Variants in SORCS2 observed in about 807,000 individuals in gnomAD.
SORCS2 encodes VPS10 domain-containing receptor SorCS2.
In SORCS2, 100 loss-of-function variants were observed where a neutral mutation model predicts 141.6. The observed-to-expected ratio is 0.71, with a 90% CI of 0.60 to 0.83. SORCS2 has a LOEUF of 0.83. Ranked by LOEUF, SORCS2 falls within the 40% of genes least tolerant of loss-of-function variation. SORCS2 has a pLI of 0.00. For missense variants in SORCS2, 1,646 were observed against 1,560.2 expected, an observed-to-expected ratio of 1.05 and a Z score of -0.93; for synonymous variants, 789 against 676.9, an observed-to-expected ratio of 1.17 and a Z score of -2.57.
intron 1 of SORCS2, among the ~76,000 whole-genome samples, chr4:7,285,036 A>ATT (rs34265329): frequency 5.1e-4 from 72 of 140,120 alleles, no homozygotes; most frequent in African/African-American, 1.6e-3. Flanking sequence ...ATATATATAT[A>ATT]TTTTTTTTTT....
chr4:7,273,411 A>C (rs1324907635), intron 1 of SORCS2, among the ~76,000 whole-genome samples: 1 of 152,100 alleles, frequency 6.6e-6, no homozygotes, highest in Non-Finnish European at 1.5e-5. Context: ...ACTTGCATCC[A>C]TCATTGCTGG....
At position 7,682,766 on chromosome 4, in the gene SORCS2, C is replaced by G. The variant is rs1326414841; in HGVS notation, c.1365C>G (p.Phe455Leu). 1 of 1,611,426 alleles carries G rather than the reference C, an allele frequency of 6.2e-7. No homozygotes were observed. The highest frequency in any genetic ancestry group is 1.7e-5 in the Admixed American group (1 of 59,676). The change falls in exon 10 of 27, where the codon TTC becomes TTG. Residue 455 changes from phenylalanine (F) to leucine (L), a missense_variant. By Grantham distance (22) the Phe-to-Leu change is conservative. Coordinates refer to ENST00000507866, the MANE Select transcript of SORCS2 (RefSeq NM_020777.3). ...AGGTCAGAGGGGTGAAAGGAGTCTT[C>G]CTGGCAAACCAAAAAATTGATGGGA... ...ILEVRGVKGV[F>L]LANQKIDGKV...
intron 3 of SORCS2, among the ~76,000 whole-genome samples, chr4:7,542,583 G>C (rs967526287): frequency 6.6e-6 from 1 of 152,178 alleles, no homozygotes; most frequent in Non-Finnish European, 1.5e-5. Flanking sequence ...TTCTCTCCCA[G>C]AGCCTTCGGG....
At chr4:7,458,402 C>T (rs1400353824) in intron 2 of SORCS2, among the ~76,000 whole-genome samples, 1 of 152,032 alleles carries the variant, frequency 6.6e-6, no homozygotes, top group Non-Finnish European at 1.5e-5. Flanking sequence ...AGTTTTCCAG[C>T]TGTGCTCCCC....
intron 2 of SORCS2, among the ~76,000 whole-genome samples, chr4:7,436,669 A>G (rs1035851441): frequency 6.6e-6 from 1 of 152,218 alleles, no homozygotes; most frequent in African/African-American, 2.4e-5. Flanking sequence ...GTTTCTGGGT[A>G]GAATTCCACT....
intron 3 of SORCS2, among the ~76,000 whole-genome samples, chr4:7,541,354 C>T (rs1712641397): frequency 6.6e-6 from 1 of 152,232 alleles, no homozygotes. Flanking sequence ...CATGGGAAGC[C>T]TTGCTAACTT....
intron 3 of SORCS2, among the ~76,000 whole-genome samples, chr4:7,621,430 AGT>A (rs750083934): frequency 0.011 from 1,304 of 114,340 alleles, 9 homozygotes; most frequent in Non-Finnish European, 0.014. Context: ...TGTGTGTGTG[AGT>A]GTGTGTCTAT....
rs149702974 is a variant in SORCS2, at chr4:7,252,972, T to C, written c.480+59846T>C. Among the ~76,000 whole-genome samples, 3 of 152,364 alleles carry C rather than the reference T, an allele frequency of 2.0e-5. No homozygotes were observed. The East Asian group carries it at 5.8e-4, about 29-fold the overall frequency. On this transcript the variant is annotated intron_variant, in intron 1 of 26. Coordinates refer to ENST00000507866, the MANE Select transcript of SORCS2 (RefSeq NM_020777.3). ...GGAGCCTCAGGAAGCTGCATGACTG[T>C]CCCAGCTCAGAGCCAGCATTTGGGA...
intron 3 of SORCS2, among the ~76,000 whole-genome samples, chr4:7,634,229 C>T (rs1052253268): frequency 2.6e-5 from 4 of 152,156 alleles, no homozygotes; most frequent in Non-Finnish European, 2.9e-5. Context: ...CAAAAATTAG[C>T]CAGGCATGGT....
intron 3 of SORCS2, among the ~76,000 whole-genome samples, chr4:7,551,744 A>G (rs1713719751): frequency 1.3e-5 from 2 of 152,244 alleles, no homozygotes; most frequent in African/African-American, 4.8e-5. Context: ...ATCGAACTCC[A>G]GGCAGCACGC....
chr4:7,611,767 C>T (rs1256028007), intron 3 of SORCS2, among the ~76,000 whole-genome samples: 7 of 152,230 alleles, frequency 4.6e-5, no homozygotes, highest in African/African-American at 1.2e-4. Flanking sequence ...TTTCAGTGCC[C>T]GTGAATGCCT....
At chr4:7,395,132 G>A (rs914569954) in intron 1 of SORCS2, among the ~76,000 whole-genome samples, 6 of 140,138 alleles carry the variant, frequency 4.3e-5, no homozygotes, top group Non-Finnish European at 9.1e-5. Context: ...AATCATCGCC[G>A]CCTGTAAGAT....
intron 1 of SORCS2, among the ~76,000 whole-genome samples, chr4:7,356,958 T>C (rs1721286681): frequency 6.6e-6 from 1 of 152,250 alleles, no homozygotes; most frequent in South Asian, 2.1e-4. Flanking sequence ...CCAGACCTTT[T>C]ATCTCCCCTT....
chr4:7,445,398 G>C (rs1167240811), intron 2 of SORCS2, among the ~76,000 whole-genome samples: 1 of 152,154 alleles, frequency 6.6e-6, no homozygotes, highest in Non-Finnish European at 1.5e-5. Flanking sequence ...TGGATTCACA[G>C]CCCAAGATGT....
At chr4:7,655,409 C>A (rs1028647925) in intron 5 of SORCS2, among the ~76,000 whole-genome samples, 1 of 152,224 alleles carries the variant, frequency 6.6e-6, no homozygotes, top group Non-Finnish European at 1.5e-5. Flanking sequence ...CTCTTGCCCC[C>A]TCAGCCTTCC....
chr4:7,654,351 T>G, intron 5 of SORCS2, 144 bp downstream of exon 5: 1 of 767,562 alleles, frequency 1.3e-6, no homozygotes. Context: ...CACCGTCCAC[T>G]GCCTCTGCCT....
Position 7,710,455 on chromosome 4 carries a change from G to C in SORCS2, c.1869-2278G>C, listed in dbSNP as rs553988522. ...TGCTATACCTTCCATAATGCCACAG[G>C]CCACAGGAGAGTGTGAGGATGCTCT... On this transcript the variant is annotated intron_variant, in intron 14 of 26. Transcript: ENST00000507866. 2.6e-5 allele frequency among the ~76,000 whole-genome samples: 4 copies of C among 152,300 alleles called. No homozygotes were observed. The East Asian group carries it at 7.7e-4, about 29-fold the overall frequency.
Position 7,729,696 on chromosome 4 carries a change from GC to G in SORCS2, c.3094del (p.Leu1032SerfsTer14). On this transcript the variant is annotated frameshift_variant, in exon 23 of 27. Coordinates refer to ENST00000507866, the MANE Select transcript of SORCS2 (RefSeq NM_020777.3). LOFTEE classifies it high-confidence loss of function. ...LPPPRPTRKR[S>X]LSSDKRLAAI... ...CCTCCCAGGCCCACAAGGAAGAGGA[GC>G]CTCTCGAGTGATAAGGTATGTCCTG... The G allele has an allele frequency of 6.2e-7, 1 of 1,611,064 alleles. No individual in the cohort carries two copies. The highest frequency in any genetic ancestry group is 8.5e-7 in the Non-Finnish European group (1 of 1,178,770).
intron 3 of SORCS2, among the ~76,000 whole-genome samples, chr4:7,541,103 C>G (rs563403353): frequency 6.6e-6 from 1 of 152,370 alleles, no homozygotes; most frequent in Admixed American, 6.5e-5. Context: ...CCCATCCTTT[C>G]TGTCTCCCTG....
Sources: allele counts gnomAD v4.1 joint callset (sites outside exome capture counted in the v4.1 genomes callset), GRCh38; gene constraint gnomAD v4.1.1; transcripts MANE v1.5; gene names NCBI Gene and HGNC (gene_info 2026-07-23, HGNC 2026-07-21).